The following PCDHGA11 variants were observed in gnomAD, a reference collection of about 807,000 sequenced individuals.
The protein encoded by PCDHGA11 is protocadherin gamma subfamily A, 11, also known as protocadherin gamma-A11.
Under a neutral mutation model 60.4 loss-of-function variants are expected in PCDHGA11, and 39 were observed. That is an observed-to-expected ratio of 0.65 (90% CI 0.50 to 0.84). The LOEUF is 0.84. Ranked by LOEUF, PCDHGA11 falls within the 40% of genes least tolerant of loss-of-function variation. The probability of loss-of-function intolerance (pLI) is 0.00; values close to 1 mark genes in which losing one functional copy is unlikely to be tolerated. For synonymous variants in PCDHGA11, 533 were observed against 510.3 expected (o/e 1.04, Z -0.60); for missense variants, 1,165 against 1,197.7 (o/e 0.97, Z 0.40).
At chr5:141,441,308 C>T (rs984341964) in intron 1 of PCDHGA11, 2 of 152,164 alleles carry the variant, frequency 1.3e-5, no homozygotes, top group African/African-American at 2.4e-5. Flanking sequence ...TAAGAAAATG[C>T]ACCTTGAGAA....
Position 141,491,608 on chromosome 5 carries a change from C to T in PCDHGA11, c.2434-3199C>T. On this transcript the variant is annotated intron_variant, in intron 1 of 3. Transcript: ENST00000398587. This position sits in a 1 kb window ranked among gnomAD's most constrained non-coding sequence, Gnocchi z 6.9. Reference sequence around the variant, plus strand: ...CTCGGACGGCAGTGACTTCACTTTTCTAAGACCCCTCAGCGTTCAGCAGCC... The same window carrying T: ...CTCGGACGGCAGTGACTTCACTTTTTTAAGACCCCTCAGCGTTCAGCAGCC... 6.2e-7 allele frequency: 1 copy of T among 1,613,942 alleles called. No individual in the cohort carries two copies. The highest frequency in any genetic ancestry group is 1.1e-5 in the South Asian group (1 of 91,086).
chr5:141,432,104 C>T lies in PCDHGA11; in HGVS notation c.2433+8444C>T. The stretch of plus-strand genomic sequence containing the variant: ...GAACGTGGCAGACACCAACGACAAC[C>T]CGCCGGTCTTCCCTCAGGCCTCCTA... On this transcript the variant is annotated intron_variant, in intron 1 of 3. Coordinates refer to ENST00000398587, the MANE Select transcript of PCDHGA11 (RefSeq NM_018914.3). This position sits in a 1 kb window ranked among gnomAD's most constrained non-coding sequence, Gnocchi z 6.0. 1 of 1,614,204 alleles carries T rather than the reference C, an allele frequency of 6.2e-7. No individual in the cohort carries two copies. The highest frequency in any genetic ancestry group is 1.7e-5 in the Admixed American group (1 of 60,026).
rs532490777 is a variant in PCDHGA11, at chr5:141,487,782, T to C, written c.2434-7025T>C. 7.2e-6 allele frequency: 11 copies of C among 1,525,744 alleles called. No homozygotes were observed. The South Asian group carries it at 1.2e-4, about 17-fold the overall frequency. The allele number at this position is 1,525,744 out of a possible 1,614,324, so 94.5% of individuals were successfully genotyped here. ...GACGCTGTGCTTTGTAACTGTTTCGTGAATTAACCAGAGTTGTCACAGTTT... is the reference window on the plus strand; with the variant it reads ...GACGCTGTGCTTTGTAACTGTTTCGCGAATTAACCAGAGTTGTCACAGTTT... On this transcript the variant is annotated intron_variant, in intron 1 of 3. Coordinates refer to ENST00000398587, the MANE Select transcript of PCDHGA11 (RefSeq NM_018914.3). This position sits in a 1 kb window ranked among gnomAD's most constrained non-coding sequence, Gnocchi z 5.0.
At chr5:141,443,383 G>A (rs1302172660) in intron 1 of PCDHGA11, among the ~76,000 whole-genome samples, 1 of 152,130 alleles carries the variant, frequency 6.6e-6, no homozygotes, top group Non-Finnish European at 1.5e-5. Flanking sequence ...TACTTGGGAG[G>A]CTGAGGTGTG....
chr5:141,421,795 GC>G lies in PCDHGA11; in HGVS notation c.570del (p.Lys191ArgfsTer5). The G allele has an allele frequency of 6.2e-7, 1 of 1,613,818 alleles. No homozygotes were observed. The highest frequency in any genetic ancestry group is 2.2e-5 in the East Asian group (1 of 44,888). On this transcript the variant is annotated frameshift_variant, in exon 1 of 4. Transcript: ENST00000398587. LOFTEE classifies it high-confidence loss of function. ...SLQLRGRTDG[A>X]KNPELVLEGS... Reference sequence around the variant, plus strand: ...GCAACTGCGGGGCAGAACGGATGGGGCCAAGAATCCAGAGCTAGTACTGGAG... The same window carrying G: ...GCAACTGCGGGGCAGAACGGATGGGGCAAGAATCCAGAGCTAGTACTGGAG...
At chr5:141,442,759 A>G (rs2098341868) in intron 1 of PCDHGA11, among the ~76,000 whole-genome samples, 1 of 152,152 alleles carries the variant, frequency 6.6e-6, no homozygotes, top group Non-Finnish European at 1.5e-5. Flanking sequence ...GATTATATAT[A>G]TTTGTATGTG....
chr5:141,474,486 C>G (rs531956129), intron 1 of PCDHGA11, among the ~76,000 whole-genome samples: 11 of 152,326 alleles, frequency 7.2e-5, no homozygotes, highest in African/African-American at 2.4e-4. Context: ...TAAATGTATT[C>G]TATCTTCTAA....
In PCDHGA11 at chr5:141,491,721, C is replaced by T. The variant is rs761584159; in HGVS notation, c.2434-3086C>T. On this transcript the variant is annotated intron_variant, in intron 1 of 3. Transcript: ENST00000398587. The surrounding 1 kb of genome is among the most constrained non-coding windows in gnomAD (Gnocchi z 6.9). The stretch of plus-strand genomic sequence containing the variant: ...GCCAGGTGAGGGGCTCGGCGCCGCC[C>T]CGGGCGACCCCTGGGGGCGGCACTG... 3 of 1,607,250 alleles carry T rather than the reference C, an allele frequency of 1.9e-6. No homozygotes were observed. Among genetic ancestry groups the T allele is most frequent in the Admixed American group, 1.7e-5 (1 of 58,860 alleles).
At position 141,489,084 on chromosome 5, in the gene PCDHGA11, C is replaced by CCGG; in HGVS notation, c.2434-5723_2434-5722insCGG. ...CTCCCCCCTGCCCACCCCCGCCACT[C>CCGG]GGTGACTAAGAACTGCTGCAAGCAG... On this transcript the variant is annotated intron_variant, in intron 1 of 3. Coordinates refer to ENST00000398587, the MANE Select transcript of PCDHGA11 (RefSeq NM_018914.3). This position sits in a 1 kb window ranked among gnomAD's most constrained non-coding sequence, Gnocchi z 4.5. The CCGG allele has an allele frequency of 3.0e-6, 1 of 329,134 alleles. No homozygotes were observed. The highest frequency in any genetic ancestry group is 2.5e-5 in the African/African-American group (1 of 40,384). 20.4% of individuals were successfully genotyped at this position (329,134 alleles called of 1,614,324 possible). A position where few individuals can be genotyped will look rare whatever the true frequency, so the allele number is the denominator to read the frequency against.
chr5:141,474,405 G>C (rs2099348833), intron 1 of PCDHGA11, among the ~76,000 whole-genome samples: 1 of 152,196 alleles, frequency 6.6e-6, no homozygotes, highest in Admixed American at 6.5e-5. Context: ...AAGCTCCCCG[G>C]TGATGCCTAG....
chr5:141,478,101 T>G, intron 1 of PCDHGA11: 1 of 1,614,018 alleles, frequency 6.2e-7, no homozygotes, highest in Middle Eastern at 1.6e-4. Flanking sequence ...ACTGCTACCC[T>G]CACTGTGTCA....
chr5:141,488,128 G>T (rs1412334197), intron 1 of PCDHGA11, among the ~76,000 whole-genome samples: 1 of 152,226 alleles, frequency 6.6e-6, no homozygotes, highest in Non-Finnish European at 1.5e-5. Context: ...ACAGCAGAAA[G>T]AGGAGAGAAC....
chr5:141,487,355 G>A lies in PCDHGA11; in HGVS notation c.2434-7452G>A. ...AGCCTGTGGAGTCACATGCTTTCCT[G>A]CTGGCACCTGTGCCTGTCTCACCAG... On this transcript the variant is annotated intron_variant, in intron 1 of 3. Coordinates refer to ENST00000398587, the MANE Select transcript of PCDHGA11 (RefSeq NM_018914.3). This position sits in a 1 kb window ranked among gnomAD's most constrained non-coding sequence, Gnocchi z 5.0. 1 of 1,614,150 alleles carries A rather than the reference G, an allele frequency of 6.2e-7. No homozygotes were observed. Among genetic ancestry groups the A allele is most frequent in the South Asian group, 1.1e-5 (1 of 91,090 alleles).
At chr5:141,463,955 A>G (rs2154568299) in intron 1 of PCDHGA11, among the ~76,000 whole-genome samples, 1 of 152,288 alleles carries the variant, frequency 6.6e-6, no homozygotes, top group Middle Eastern at 3.4e-3. Flanking sequence ...CTTCATTTTT[A>G]AAATAGCTTC....
At chr5:141,440,887 G>C (rs1423303973) in intron 1 of PCDHGA11, 4 of 152,206 alleles carry the variant, frequency 2.6e-5, no homozygotes, top group Non-Finnish European at 5.9e-5. Context: ...TCGGCCTTCA[G>C]GAAGATGTGC....
At position 141,454,796 on chromosome 5, in the gene PCDHGA11, A is replaced by ATTTTTTTTTTTTTTTTTTTT. The variant is rs61612330; in HGVS notation, c.2433+31146_2433+31165dup. Among the ~76,000 whole-genome samples, 20 of 77,456 alleles carry ATTTTTTTTTTTTTTTTTTTT rather than the reference A, an allele frequency of 2.6e-4. 2 individuals carry two copies. Among genetic ancestry groups the ATTTTTTTTTTTTTTTTTTTT allele is most frequent in the South Asian group, 5.1e-4 (1 of 1,960 alleles). The allele number at this position is 77,456 out of a possible 152,430, so 50.8% of individuals were successfully genotyped here. On this transcript the variant is annotated intron_variant, in intron 1 of 3. Transcript: ENST00000398587. Reference sequence around the variant, plus strand: ...AAGGAAATAATCCTCCATGGTTCTAATTTTTTTTTTTTTTTTTTTTTTTTT... The same window carrying ATTTTTTTTTTTTTTTTTTTT: ...AAGGAAATAATCCTCCATGGTTCTAATTTTTTTTTTTTTTTTTTTTTTTTTTTTTTTTTTTTTTTTTTTTT...
At chr5:141,427,997 A>C (rs1471083920) in intron 1 of PCDHGA11, 2 of 1,600,232 alleles carry the variant, frequency 1.2e-6, no homozygotes, top group African/African-American at 2.7e-5. Flanking sequence ...ATGGCTCCGC[A>C]CTCTTCGATA....
rs1224943883 is a variant in PCDHGA11 at position 141,493,516 on chromosome 5, G to A, written c.2434-1291G>A. Among the ~76,000 whole-genome samples, 1 of 152,122 alleles carries A rather than the reference G, an allele frequency of 6.6e-6. No individual in the cohort carries two copies. The highest frequency in any genetic ancestry group is 1.5e-5 in the Non-Finnish European group (1 of 68,036). On this transcript the variant is annotated intron_variant, in intron 1 of 3. Coordinates refer to ENST00000398587, the MANE Select transcript of PCDHGA11 (RefSeq NM_018914.3). The surrounding 1 kb of genome is among the most constrained non-coding windows in gnomAD (Gnocchi z 4.3). ...GGCTCCTCATTTCTGAGCAGTCCCC[G>A]CAGCGCAAACTTGGCCAGTTATCCT...
chr5:141,432,449 T>C lies in PCDHGA11; in HGVS notation c.2433+8789T>C. 5.6e-6 allele frequency: 9 copies of C among 1,614,220 alleles called. No individual in the cohort carries two copies. The highest frequency in any genetic ancestry group is 7.6e-6 in the Non-Finnish European group (9 of 1,180,038). On this transcript the variant is annotated intron_variant, in intron 1 of 3. Coordinates refer to ENST00000398587, the MANE Select transcript of PCDHGA11 (RefSeq NM_018914.3). The surrounding 1 kb of genome is among the most constrained non-coding windows in gnomAD (Gnocchi z 6.0). The stretch of plus-strand genomic sequence containing the variant: ...GAACGACAATGCGCCCGAGATCCTG[T>C]ACCCCGCCCTCCCCACGGACGGTTC...
Sources: allele counts gnomAD v4.1 joint callset (sites outside exome capture counted in the v4.1 genomes callset), GRCh38; gene constraint gnomAD v4.1.1; non-coding constraint Gnocchi (gnomAD v3.1); transcripts MANE v1.5; gene names NCBI Gene and HGNC (gene_info 2026-07-23, HGNC 2026-07-21).